The following GFPT1 variants were observed in gnomAD, a reference collection of about 807,000 sequenced individuals.
The protein encoded by GFPT1 is glutamine--fructose-6-phosphate transaminase 1, also known as glutamine--fructose-6-phosphate aminotransferase [isomerizing] 1.
A neutral mutation model predicts 92.0 loss-of-function variants in GFPT1; 40 were observed. The observed-to-expected ratio is 0.43, with a 90% confidence interval of 0.34 to 0.57. GFPT1 has a LOEUF of 0.57. Among genes scored for constraint, GFPT1 ranks in the 20% least tolerant of loss-of-function variants. The pLI is 0.02. For missense variants in GFPT1, 448 were observed against 869.1 expected (o/e 0.52, Z 6.09); for synonymous variants, 269 against 280.6 (o/e 0.96, Z 0.41).
At chr2:69,353,348 C>G (rs1671258405) in intron 9 of GFPT1, among the ~76,000 whole-genome samples, 1 of 152,010 alleles carries the variant, frequency 6.6e-6, no homozygotes, top group Admixed American at 6.6e-5. Context: ...ACCAGCCTGG[C>G]CAACATAGCA....
At chr2:69,338,802 C>CT (rs58220809) in intron 13 of GFPT1, among the ~76,000 whole-genome samples, 2,860 of 131,680 alleles carry the variant, frequency 0.022, 102 homozygotes, top group Non-Finnish European at 0.032. Flanking sequence ...GTATACATTC[C>CT]TTTTTTTTTT....
At chr2:69,354,624 G>T in intron 7 of GFPT1, 56 bp from the exon 8 acceptor site, 1 of 1,012,736 alleles carries the variant, frequency 9.9e-7, no homozygotes, top group South Asian at 1.3e-5. Context: ...ATGGACTAAT[G>T]ACATAAAATT....
chr2:69,338,723 T>C (rs1235890755), intron 13 of GFPT1, among the ~76,000 whole-genome samples, 158 bp from the exon 14 acceptor site: 1 of 146,728 alleles, frequency 6.8e-6, no homozygotes, highest in Non-Finnish European at 1.5e-5. Flanking sequence ...AAAAAAAAAA[T>C]CAAAATCCTA....
intron 4 of GFPT1, 21 bp from the exon 5 acceptor site, chr2:69,359,347 G>T (rs756013890): frequency 1.4e-6 from 2 of 1,413,264 alleles, no homozygotes; most frequent in Admixed American, 1.7e-5. Context: ...TAAAAGTGTT[G>T]AAGACAAAAA....
At chr2:69,378,405 C>T (rs1181893804) in intron 1 of GFPT1, among the ~76,000 whole-genome samples, 1 of 152,210 alleles carries the variant, frequency 6.6e-6, no homozygotes, top group East Asian at 1.9e-4. Context: ...CACACAGTAG[C>T]TGTATAAGCA....
At chr2:69,378,775 T>A (rs1671939836) in intron 1 of GFPT1, among the ~76,000 whole-genome samples, 1 of 152,228 alleles carries the variant, frequency 6.6e-6, no homozygotes, top group Non-Finnish European at 1.5e-5. Flanking sequence ...ATATATTTTA[T>A]CATTTGACAG....
At chr2:69,337,156 C>A (rs185189252) in intron 15 of GFPT1, among the ~76,000 whole-genome samples, 1 of 151,694 alleles carries the variant, frequency 6.6e-6, no homozygotes, top group Non-Finnish European at 1.5e-5. Flanking sequence ...CCTCCACCTC[C>A]CAGGTTCAAG....
At chr2:69,334,701 C>T (rs1670750367) in intron 15 of GFPT1, 1 of 152,112 alleles carries the variant, frequency 6.6e-6, no homozygotes, top group East Asian at 1.9e-4. Context: ...ATTTAAAAAA[C>T]AAACTTCAGG....
chr2:69,351,530 A>T (rs919431632), intron 9 of GFPT1, among the ~76,000 whole-genome samples: 1 of 152,212 alleles, frequency 6.6e-6, no homozygotes, highest in African/African-American at 2.4e-5. Flanking sequence ...ATGTGCATTC[A>T]AATGTGCTAT....
In GFPT1 at chr2:69,374,022, T is replaced by C. The variant is rs146463758; in HGVS notation, c.99A>G (p.Arg33=). The change falls in exon 2 of 20, where the codon AGA becomes AGG. Residue 33 remains arginine, a synonymous_variant. Transcript: ENST00000357308. Reference sequence around the variant, plus strand: ...TTAAAGTACCAGCAGAATCATATCCTCTGTACTCCAGTCTCTGAAGGCCTT... The same window carrying C: ...TTAAAGTACCAGCAGAATCATATCCCCTGTACTCCAGTCTCTGAAGGCCTT... ...LIKGLQRLEY[R]GYDSAGVGFD... 81 of 1,509,728 alleles carry C rather than the reference T, an allele frequency of 5.4e-5. No homozygotes were observed. In the Admixed American group the frequency reaches 1.3e-3, roughly 24 times the overall value. The allele number at this position is 1,509,728 out of a possible 1,614,324, so 93.5% of individuals were successfully genotyped here.
intron 3 of GFPT1, among the ~76,000 whole-genome samples, chr2:69,365,199 C>T (rs886727857): frequency 4.6e-5 from 7 of 152,154 alleles, no homozygotes; most frequent in South Asian, 2.1e-4. Flanking sequence ...GCAAACTGGC[C>T]GAGCACCACG....
chr2:69,379,649 C>A (rs1430384958), intron 1 of GFPT1, among the ~76,000 whole-genome samples: 1 of 151,902 alleles, frequency 6.6e-6, no homozygotes, highest in Non-Finnish European at 1.5e-5. Context: ...GTGATCCCCT[C>A]ATCTCAGCCT....
At chr2:69,365,988 A>G (rs182654844) in intron 3 of GFPT1, among the ~76,000 whole-genome samples, 2 of 151,274 alleles carry the variant, frequency 1.3e-5, no homozygotes, top group Admixed American at 6.6e-5. Context: ...AATTTTTTGT[A>G]TTTTTAGTAC....
At chr2:69,346,822 T>C (rs1340326158) in intron 11 of GFPT1, among the ~76,000 whole-genome samples, 1 of 152,054 alleles carries the variant, frequency 6.6e-6, no homozygotes, top group Admixed American at 6.5e-5. Context: ...CTCAATCTCC[T>C]GGGCTCAAGC....
chr2:69,377,567 C>T (rs925297294), intron 1 of GFPT1, among the ~76,000 whole-genome samples: 4 of 148,808 alleles, frequency 2.7e-5, no homozygotes, highest in African/African-American at 9.9e-5. Flanking sequence ...GGCTGAGGCA[C>T]GAGAATAGCT....
At chr2:69,354,051 G>A (rs1488729456) in intron 9 of GFPT1, among the ~76,000 whole-genome samples, 3 of 152,156 alleles carry the variant, frequency 2.0e-5, no homozygotes, top group African/African-American at 7.2e-5. Context: ...AAATTTTAAT[G>A]AAATTATTAA....
At chr2:69,327,356 CA>C (rs1216447113) in intron 18 of GFPT1, among the ~76,000 whole-genome samples, 1 of 152,160 alleles carries the variant, frequency 6.6e-6, no homozygotes, top group Admixed American at 6.5e-5. Context: ...TCATTACCAC[CA>C]CATTGTGCTT....
At chr2:69,367,653 G>A (rs1392647366) in intron 3 of GFPT1, among the ~76,000 whole-genome samples, 3 of 152,000 alleles carry the variant, frequency 2.0e-5, no homozygotes, top group South Asian at 2.1e-4. Flanking sequence ...GAGCCACCAC[G>A]CCCGGCACAC....
Position 69,359,281 on chromosome 2 carries a change from A to G in GFPT1, c.395T>C (p.Leu132Ser). Residue 132 changes from leucine to serine, a missense_variant, in exon 5 of 20, where the codon TTG (leucine) becomes TCG (serine). Leu to Ser is a moderately radical substitution (Grantham distance 145). This residue lies in a region of GFPT1 where 118 missense variants were observed against 192.9 expected (regional missense o/e 0.61). Transcript: ENST00000357308. ...HNGIITNYKDLKKFLESKGYD... is the reference protein window; with the variant it reads ...HNGIITNYKDSKKFLESKGYD... ...CACCTTACTTACCAAAAACTTTTTC[A>G]AGTCTTTGTAGTTGGTGATGATTCC... is the stretch of plus-strand genomic sequence containing the variant. 1 of 1,575,074 alleles carries G rather than the reference A, an allele frequency of 6.3e-7. No individual in the cohort carries two copies. The highest frequency in any genetic ancestry group is 8.7e-7 in the Non-Finnish European group (1 of 1,145,504).
Sources: allele counts gnomAD v4.1 joint callset (sites outside exome capture counted in the v4.1 genomes callset), GRCh38; gene constraint gnomAD v4.1.1; regional missense constraint gnomAD v4.1.1; transcripts MANE v1.5; gene names NCBI Gene and HGNC (gene_info 2026-07-23, HGNC 2026-07-21).